EPHB2: variants seen among roughly 807,000 people sequenced by gnomAD.
The protein encoded by EPHB2 is EPH receptor B2.
EPHB2 carries 18 observed loss-of-function variants against 96.4 expected under a neutral mutation model. The observed-to-expected ratio is 0.19, with a 90% confidence interval of 0.13 to 0.28. The LOEUF (loss-of-function observed/expected upper bound fraction) is 0.28. Among genes scored for constraint, EPHB2 ranks in the 10% least tolerant of loss-of-function variants. The pLI, the probability that EPHB2 is intolerant of heterozygous loss-of-function variation, is 1.00. For missense variants in EPHB2, 989 were observed against 1,355.4 expected (o/e 0.73, Z 4.25); for synonymous variants, 506 against 534.1 (o/e 0.95, Z 0.72).
chr1:22,850,045 A>G (rs1301642155), intron 3 of EPHB2, among the ~76,000 whole-genome samples: 2 of 152,216 alleles, frequency 1.3e-5, no homozygotes, highest in African/African-American at 2.4e-5. Context: ...ATTAATGACC[A>G]TGGCTTTCTT....
At position 22,865,188 on chromosome 1, in the gene EPHB2, G is replaced by A. The variant is rs780688056; in HGVS notation, c.1279G>A (p.Val427Met). ...QSPFSPQFAS[V>M]NITTNQAAPS... ...CCCCTTCTCGCCTCAGTTCGCCTCT[G>A]TGAACATCACCACCAACCAGGCAGG... The change falls in exon 5 of 16, where the codon GTG (valine) becomes ATG (methionine). Residue 427 changes from valine (V) to methionine (M), a missense_variant. Physicochemically the swap from Val to Met is conservative, Grantham distance 21. Transcript: ENST00000374630. 5 of 1,614,234 alleles carry A rather than the reference G, an allele frequency of 3.1e-6. No individual in the cohort carries two copies. The highest frequency in any genetic ancestry group is 4.2e-6 in the Non-Finnish European group (5 of 1,180,044).
chr1:22,853,889 C>A (rs376354511), intron 3 of EPHB2, among the ~76,000 whole-genome samples: 1 of 152,222 alleles, frequency 6.6e-6, no homozygotes, highest in Non-Finnish European at 1.5e-5. Flanking sequence ...GCCTGGCTGG[C>A]GAGGCCTGGG....
chr1:22,768,365 A>C (rs1352992131), intron 1 of EPHB2, among the ~76,000 whole-genome samples: 1 of 152,148 alleles, frequency 6.6e-6, no homozygotes, highest in Non-Finnish European at 1.5e-5. Flanking sequence ...TTAGGGATGA[A>C]GTCTTAGTCC....
rs906006432 is a variant in EPHB2 at position 22,918,278 on chromosome 1, G to A, written c.*4708G>A. The A allele has an allele frequency of 2.0e-5, 3 of 152,172 alleles. No homozygotes were observed. Among genetic ancestry groups the A allele is most frequent in the Non-Finnish European group, 2.9e-5 (2 of 68,052 alleles). 9.4% of individuals were successfully genotyped at this position (152,172 alleles called of 1,614,324 possible). ...TCACTTCAGCTGCTTGGAACAGCAG[G>A]GTTGGGTCTTGTGCTACCTGATTCT... On this transcript the variant is annotated 3_prime_UTR_variant, in exon 16 of 16. Coordinates refer to ENST00000374630, the MANE Select transcript of EPHB2 (RefSeq NM_017449.5). This position sits in a 1 kb window ranked among gnomAD's most constrained non-coding sequence, Gnocchi z 4.2.
intron 1 of EPHB2, among the ~76,000 whole-genome samples, chr1:22,772,618 C>T (rs2148408051): frequency 6.6e-6 from 1 of 152,250 alleles, no homozygotes; most frequent in South Asian, 2.1e-4. Context: ...GAACCCAAGG[C>T]CATCCTGGGC....
At chr1:22,753,477 G>T (rs188676280) in intron 1 of EPHB2, among the ~76,000 whole-genome samples, 4 of 152,106 alleles carry the variant, frequency 2.6e-5, no homozygotes, top group African/African-American at 9.7e-5. Context: ...AAAGTCAGTC[G>T]GTCCCCTGCC....
intron 3 of EPHB2, among the ~76,000 whole-genome samples, chr1:22,826,271 C>G (rs1645222583): frequency 6.6e-6 from 1 of 152,180 alleles, no homozygotes; most frequent in South Asian, 2.1e-4. Flanking sequence ...ACCTGCCTCT[C>G]CCCACGGCCT....
At chr1:22,765,546 C>CAAAA (rs10667863) in intron 1 of EPHB2, among the ~76,000 whole-genome samples, 2,741 of 115,076 alleles carry the variant, frequency 0.024, 114 homozygotes, top group African/African-American at 0.058. Context: ...GACCCTGTCG[C>CAAAA]AAAAAAAAAA....
chr1:22,773,682 T>G (rs1042151961), intron 1 of EPHB2, among the ~76,000 whole-genome samples: 3 of 152,170 alleles, frequency 2.0e-5, no homozygotes, highest in African/African-American at 7.2e-5. Flanking sequence ...GAATCTTCCA[T>G]AGCTCCCTGC....
rs759041903 is a variant in EPHB2 at position 22,917,106 on chromosome 1, A to T, written c.*3536A>T. 1 of 152,294 alleles carries T rather than the reference A, an allele frequency of 6.6e-6. No individual in the cohort carries two copies. Among genetic ancestry groups the T allele is most frequent in the Non-Finnish European group, 1.5e-5 (1 of 68,098 alleles). 9.4% of individuals were successfully genotyped at this position (152,294 alleles called of 1,614,324 possible). On this transcript the variant is annotated 3_prime_UTR_variant, in exon 16 of 16. Transcript: ENST00000374630. ...GGGCTATGGCTGTTTACTAACCAGC[A>T]GTGCCTCTTACTCAGATGGCATCAG...
intron 1 of EPHB2, among the ~76,000 whole-genome samples, chr1:22,717,365 G>A (rs1009702706): frequency 2.6e-5 from 4 of 152,104 alleles, no homozygotes; most frequent in Admixed American, 6.5e-5. Context: ...GCTGCCTTCC[G>A]GAGGGTGCAG....
intron 3 of EPHB2, among the ~76,000 whole-genome samples, chr1:22,818,720 C>T (rs1162985079): frequency 2.6e-5 from 4 of 152,118 alleles, no homozygotes; most frequent in Non-Finnish European, 4.4e-5. Context: ...TCTCTTCCCT[C>T]CCCTGCACCG....
Position 22,906,560 on chromosome 1 carries a change from T to A in EPHB2, c.1889-150T>A. Reference sequence around the variant, plus strand: ...TGGAACTTTTCTGGACCCCTGACATTCTTGAAGGGGTTCTGTGTCTGCAAG... The same window carrying A: ...TGGAACTTTTCTGGACCCCTGACATACTTGAAGGGGTTCTGTGTCTGCAAG... On this transcript the variant is annotated intron_variant, in intron 10 of 15. Transcript: ENST00000374630. The surrounding 1 kb of genome is among the most constrained non-coding windows in gnomAD (Gnocchi z 4.8). The A allele has an allele frequency of 7.9e-7, 1 of 1,261,788 alleles. No homozygotes were observed. 78.2% of individuals were successfully genotyped at this position (1,261,788 alleles called of 1,614,324 possible). A position where few individuals can be genotyped will look rare whatever the true frequency, so the allele number is the denominator to read the frequency against.
chr1:22,741,569 G>C (rs1422460745), intron 1 of EPHB2, among the ~76,000 whole-genome samples: 1 of 151,468 alleles, frequency 6.6e-6, no homozygotes, highest in Non-Finnish European at 1.5e-5. Context: ...TCGAGTGAGT[G>C]AAAGGACCCT....
chr1:22,764,121 G>T (rs572472757), intron 1 of EPHB2, among the ~76,000 whole-genome samples: 1 of 152,316 alleles, frequency 6.6e-6, no homozygotes, highest in East Asian at 1.9e-4. Flanking sequence ...TAGGAATGTG[G>T]CCATCTCTTG....
chr1:22,782,543 T>C (rs1251806969), intron 2 of EPHB2, among the ~76,000 whole-genome samples: 4 of 151,852 alleles, frequency 2.6e-5, no homozygotes, highest in Non-Finnish European at 4.4e-5. Flanking sequence ...TCACCAATTT[T>C]CCATCTGCGA....
chr1:22,791,847 A>G (rs1475791544), intron 3 of EPHB2, among the ~76,000 whole-genome samples: 1 of 152,140 alleles, frequency 6.6e-6, no homozygotes, highest in East Asian at 1.9e-4. Context: ...ATATTTGCGT[A>G]GGATACATTT....
rs374669497 is a variant in EPHB2, at chr1:22,743,829, A to C, written c.61+32786A>C. 2.0e-4 allele frequency among the ~76,000 whole-genome samples: 31 copies of C among 152,328 alleles called. 1 individual carries two copies. The East Asian group carries it at 3.9e-3, about 19-fold the overall frequency. Reference sequence around the variant, plus strand: ...GCTCTGAGTACAGTGCCTGGCACATAGTAGGCCTCCTCGGCCACCTCTACA... The same window carrying C: ...GCTCTGAGTACAGTGCCTGGCACATCGTAGGCCTCCTCGGCCACCTCTACA... On this transcript the variant is annotated intron_variant, in intron 1 of 15. Coordinates refer to ENST00000374630, the MANE Select transcript of EPHB2 (RefSeq NM_017449.5).
At chr1:22,855,761 C>T (rs1645688770) in intron 3 of EPHB2, among the ~76,000 whole-genome samples, 1 of 152,224 alleles carries the variant, frequency 6.6e-6, no homozygotes, top group African/African-American at 2.4e-5. Context: ...CTTGTTTAAT[C>T]TTCCCAACAA....
Sources: allele counts gnomAD v4.1 joint callset (sites outside exome capture counted in the v4.1 genomes callset), GRCh38; gene constraint gnomAD v4.1.1; non-coding constraint Gnocchi (gnomAD v3.1); transcripts MANE v1.5; gene names NCBI Gene and HGNC (gene_info 2026-07-23, HGNC 2026-07-21).